Variants in HEATR5A observed in about 807,000 individuals in gnomAD.
HEATR5A encodes HEAT repeat containing 5A, also known as HEAT repeat-containing protein 5A.
Under a neutral mutation model 218.8 loss-of-function variants are expected in HEATR5A, and 178 were observed. That is an observed-to-expected ratio of 0.81 (90% CI 0.72 to 0.92). The LOEUF (loss-of-function observed/expected upper bound fraction) is 0.92. Among genes scored for constraint, HEATR5A ranks in the 40% least tolerant of loss-of-function variants. The pLI, the probability that HEATR5A is intolerant of heterozygous loss-of-function variation, is 0.00. For missense variants in HEATR5A, 2,420 were observed against 2,418.9 expected (o/e 1.00, Z -0.01); for synonymous variants, 864 against 871.6 (o/e 0.99, Z 0.15).
At position 31,358,725 on chromosome 14, in the gene HEATR5A, G is replaced by C; in HGVS notation, c.2323C>G (p.Pro775Ala). Residue 775 changes from proline (P) to alanine (A), a missense_variant, in exon 16 of 36, where the codon CCT (proline) becomes GCT (alanine). Coordinates refer to ENST00000543095, the MANE Select transcript of HEATR5A (RefSeq NM_015473.4). ...YEKDVEGDSVPKPLPPALSVI... is the reference protein window; with the variant it reads ...YEKDVEGDSVAKPLPPALSVI... ...GATAGTGCTGGAGGTAAGGGCTTAGGCACTGAATCTCCCTCTACATCTTTC... is the reference window on the plus strand; with the variant it reads ...GATAGTGCTGGAGGTAAGGGCTTAGCCACTGAATCTCCCTCTACATCTTTC... The C allele has an allele frequency of 6.2e-7, 1 of 1,613,800 alleles. No homozygotes were observed. Among genetic ancestry groups the C allele is most frequent in the Non-Finnish European group, 8.5e-7 (1 of 1,179,796 alleles).
At chr14:31,325,271 A>G (rs1489551257) in intron 23 of HEATR5A, among the ~76,000 whole-genome samples, 2 of 152,120 alleles carry the variant, frequency 1.3e-5, no homozygotes, top group Non-Finnish European at 2.9e-5. Flanking sequence ...CAAGGATACA[A>G]ATTTTAAAGA....
chr14:31,317,937 A>T (rs1289604169), intron 26 of HEATR5A, among the ~76,000 whole-genome samples: 2 of 152,230 alleles, frequency 1.3e-5, no homozygotes, highest in Non-Finnish European at 2.9e-5. Flanking sequence ...AGATATGCTT[A>T]CACCCAGTGA....
intron 1 of HEATR5A, among the ~76,000 whole-genome samples, chr14:31,415,806 A>T (rs1016889107): frequency 2.0e-5 from 3 of 152,244 alleles, no homozygotes; most frequent in Non-Finnish European, 2.9e-5. Context: ...CAAATGCAAC[A>T]GAAAAGTATA....
At chr14:31,404,166 A>G (rs928871310) in intron 1 of HEATR5A, among the ~76,000 whole-genome samples, 1 of 152,224 alleles carries the variant, frequency 6.6e-6, no homozygotes, top group Non-Finnish European at 1.5e-5. Flanking sequence ...AGCAGCTATC[A>G]TCAGGAACAT....
At chr14:31,336,265 A>G (rs1019337316) in intron 22 of HEATR5A, among the ~76,000 whole-genome samples, 2 of 109,638 alleles carry the variant, frequency 1.8e-5, no homozygotes, top group African/African-American at 3.4e-5. Context: ...TATATATATA[A>G]TTTTTAAAAA....
At chr14:31,418,522 T>G (rs2031529528) in intron 1 of HEATR5A, among the ~76,000 whole-genome samples, 1 of 152,198 alleles carries the variant, frequency 6.6e-6, no homozygotes, top group East Asian at 1.9e-4. Flanking sequence ...ATTCAAAAAT[T>G]TAACACTAGA....
rs565873269 is a variant in HEATR5A at position 31,326,277 on chromosome 14, C to T, written c.3433G>A (p.Glu1145Lys). 3 of 1,613,198 alleles carry T rather than the reference C, an allele frequency of 1.9e-6. No individual in the cohort carries two copies. The highest frequency in any genetic ancestry group is 1.3e-5 in the African/African-American group (1 of 75,014). ...TCTTTGATATCATGGCATAATCTCTCATCTGTCTCCTTGTCTAGTAAGATC... is the reference window on the plus strand; with the variant it reads ...TCTTTGATATCATGGCATAATCTCTTATCTGTCTCCTTGTCTAGTAAGATC... Reference protein sequence around the residue: ...LLILLDKETDERLCHDIKETL... With the variant: ...LLILLDKETDKRLCHDIKETL... The change falls in exon 23 of 36, where the codon GAG (glutamate) becomes AAG (lysine). Residue 1145 changes from glutamate (E) to lysine (K), a missense_variant. Transcript: ENST00000543095.
intron 27 of HEATR5A, 30 bp from the exon 28 acceptor site, chr14:31,313,220 A>C: frequency 6.6e-7 from 1 of 1,515,402 alleles, no homozygotes; most frequent in South Asian, 1.2e-5. Flanking sequence ...AAACAGGAAA[A>C]TCTTTTATCT....
intron 1 of HEATR5A, among the ~76,000 whole-genome samples, chr14:31,411,533 A>G (rs1322865954): frequency 6.6e-6 from 1 of 152,220 alleles, no homozygotes; most frequent in African/African-American, 2.4e-5. Flanking sequence ...AAGAATGAAA[A>G]CATGTATTCT....
chr14:31,356,920 A>C lies in HEATR5A; in HGVS notation c.2411+1717T>G, dbSNP rs185344620. ...ACCATTTAAGAACAGGCTTAATTTA[A>C]ATCCTTTGCTTAAAAGGCCAGCCCT... On this transcript the variant is annotated intron_variant, in intron 16 of 35. Transcript: ENST00000543095. Among the ~76,000 whole-genome samples, 49 of 152,332 alleles carry C rather than the reference A, an allele frequency of 3.2e-4. 1 individual carries two copies. The highest frequency in any genetic ancestry group is 5.7e-4 in the Non-Finnish European group (39 of 68,024).
At position 31,386,535 on chromosome 14, in the gene HEATR5A, A is replaced by T; in HGVS notation, c.1230T>A (p.Gly410=). 6.2e-7 allele frequency: 1 copy of T among 1,602,400 alleles called. No individual in the cohort carries two copies. The highest frequency in any genetic ancestry group is 8.5e-7 in the Non-Finnish European group (1 of 1,175,916). ...GTTGGCTAGCGGCTACATCTGTGGA[A>T]CCAAGCCGGGTTTCCAAATTACCAT... The part of the protein sequence containing the change: ...MSDGNLETRL[G]STDVAASQHM... The change falls in exon 9 of 36, where the codon GGT becomes GGA. Residue 410 remains glycine (G), a synonymous_variant. Transcript: ENST00000543095.
At chr14:31,315,397 C>G (rs952118002) in intron 27 of HEATR5A, among the ~76,000 whole-genome samples, 1 of 152,184 alleles carries the variant, frequency 6.6e-6, no homozygotes, top group Admixed American at 6.5e-5. Flanking sequence ...ATAACGACTA[C>G]TTACTATTCA....
At chr14:31,340,573 G>A (rs1264077077) in intron 21 of HEATR5A, 3 of 710,338 alleles carry the variant, frequency 4.2e-6, no homozygotes, top group Non-Finnish European at 6.3e-6. Flanking sequence ...AAATATAAAT[G>A]TTGATAGTTA....
intron 9 of HEATR5A, among the ~76,000 whole-genome samples, chr14:31,385,570 T>C (rs2030184353): frequency 6.6e-6 from 1 of 152,132 alleles, no homozygotes; most frequent in South Asian, 2.1e-4. Flanking sequence ...CGTCAGGGGC[T>C]GCGGCAAAGG....
chr14:31,307,808 C>T, intron 30 of HEATR5A, 85 bp downstream of exon 30: 1 of 1,467,762 alleles, frequency 6.8e-7, no homozygotes, highest in East Asian at 2.4e-5. Context: ...TGTGTGTTTA[C>T]TTTCTGTTAA....
chr14:31,299,399 A>C (rs1899291489), intron 33 of HEATR5A, among the ~76,000 whole-genome samples: 1 of 152,190 alleles, frequency 6.6e-6, no homozygotes, highest in South Asian at 2.1e-4. Flanking sequence ...TAGAAACGCA[A>C]ATCCAAGCAT....
chr14:31,360,367 T>G (rs907740975), intron 14 of HEATR5A, among the ~76,000 whole-genome samples: 3 of 152,198 alleles, frequency 2.0e-5, no homozygotes, highest in African/African-American at 7.2e-5. Flanking sequence ...AAATTGGTAG[T>G]TGTATCTAGA....
In HEATR5A at chr14:31,394,186, C is replaced by G. The variant is rs1295516988; in HGVS notation, c.638G>C (p.Ser213Thr). The G allele has an allele frequency of 7.9e-6, 12 of 1,517,634 alleles. No homozygotes were observed. The highest frequency in any genetic ancestry group is 1.1e-5 in the Non-Finnish European group (12 of 1,139,730). 94.0% of individuals were successfully genotyped at this position (1,517,634 alleles called of 1,614,324 possible). ...ELQNEAIFMW[S>T]TDLDSVATLC... ...TGTGGCCACACTGTCCAGGTCCGTA[C>G]TCCACATAAAGATGGCTTCATTCTG... Residue 213 changes from serine to threonine, a missense_variant, in exon 6 of 36, where the codon AGT (serine) becomes ACT (threonine). Ser to Thr is a moderately conservative substitution (Grantham distance 58). Transcript: ENST00000543095.
At position 31,300,869 on chromosome 14, in the gene HEATR5A, T is replaced by C. The variant is rs1899347443; in HGVS notation, c.5464+1426A>G. Among the ~76,000 whole-genome samples the C allele has an allele frequency of 3.3e-5, 5 of 152,330 alleles. No homozygotes were observed. The South Asian group carries it at 1.0e-3, about 32-fold the overall frequency. ...ATCCTACTTGTGACACTCTGCCTGA[T>C]TTCACTTAAACAGTACTAATTACTC... On this transcript the variant is annotated intron_variant, in intron 33 of 35. Transcript: ENST00000543095.
Sources: allele counts gnomAD v4.1 joint callset (sites outside exome capture counted in the v4.1 genomes callset), GRCh38; gene constraint gnomAD v4.1.1; transcripts MANE v1.5; gene names NCBI Gene and HGNC (gene_info 2026-07-23, HGNC 2026-07-21).